B3GALT5: variants seen among roughly 807,000 people sequenced by gnomAD.
The protein encoded by B3GALT5 is beta-1,3-galactosyltransferase 5.
For missense variants in B3GALT5, 328 were observed against 396.6 expected, an observed-to-expected ratio of 0.83 and a Z score of 1.47; for synonymous variants, 156 against 158.6, an observed-to-expected ratio of 0.98 and a Z score of 0.12.
intron 1 of B3GALT5, among the ~76,000 whole-genome samples, chr21:39,617,019 T>G (rs2079110462): frequency 6.6e-6 from 1 of 152,210 alleles, no homozygotes; most frequent in African/African-American, 2.4e-5. Context: ...GTCCTAACAC[T>G]TGGCCATACT....
At chr21:39,615,997 G>T (rs2079105532) in intron 1 of B3GALT5, among the ~76,000 whole-genome samples, 1 of 152,186 alleles carries the variant, frequency 6.6e-6, no homozygotes, top group African/African-American at 2.4e-5. Context: ...GTTGTGAGAA[G>T]AATATTGTGA....
At chr21:39,647,314 A>G (rs369933189) in intron 2 of B3GALT5, among the ~76,000 whole-genome samples, 91 of 152,320 alleles carry the variant, frequency 6.0e-4, no homozygotes, top group African/African-American at 2.0e-3. Context: ...GTGTAGCACA[A>G]TTAAATCTGA....
In B3GALT5 at chr21:39,642,887, A is replaced by AAG. The variant is rs1555926642; in HGVS notation, c.-391-3504_-391-3503insGA. Among the ~76,000 whole-genome samples the AAG allele has an allele frequency of 5.8e-3, 817 of 141,636 alleles. 3 individuals carry two copies. The highest frequency in any genetic ancestry group is 8.9e-3 in the Non-Finnish European group (587 of 66,206). 92.9% of individuals were successfully genotyped at this position (141,636 alleles called of 152,430 possible). A position where few individuals can be genotyped will look rare whatever the true frequency, so the allele number is the denominator to read the frequency against. ...TCCCATTGCCACAAAAAAAAAAAAA[A>AAG]AAAAGAAAAGAAAAGAAAGCTGGGC... On this transcript the variant is annotated intron_variant, in intron 1 of 3. Coordinates refer to ENST00000684187, the MANE Select transcript of B3GALT5 (RefSeq NM_001356336.2).
At position 39,666,681 on chromosome 21, in the gene B3GALT5, A is replaced by C. The variant is rs1027233273; in HGVS notation, c.*5189A>C. Reference sequence around the variant, plus strand: ...ACCCTTCAGCCTGCTGGCATCCACCATGCCTTAAAAAACAAAACAAAACCC... The same window carrying C: ...ACCCTTCAGCCTGCTGGCATCCACCCTGCCTTAAAAAACAAAACAAAACCC... On this transcript the variant is annotated 3_prime_UTR_variant, in exon 4 of 4. Coordinates refer to ENST00000684187, the MANE Select transcript of B3GALT5 (RefSeq NM_001356336.2). 6.6e-6 allele frequency: 1 copy of C among 152,372 alleles called. No homozygotes were observed. The highest frequency in any genetic ancestry group is 1.5e-5 in the Non-Finnish European group (1 of 68,158). The allele number at this position is 152,372 out of a possible 1,614,324, so 9.4% of individuals were successfully genotyped here. A position where few individuals can be genotyped will look rare whatever the true frequency, so the allele number is the denominator to read the frequency against.
intron 1 of B3GALT5, among the ~76,000 whole-genome samples, chr21:39,630,034 A>C (rs1447820140): frequency 1.3e-5 from 2 of 152,228 alleles, no homozygotes; most frequent in Non-Finnish European, 2.9e-5. Context: ...ATTCTCAATA[A>C]AATTTTTAGA....
At chr21:39,637,681 C>G (rs150165669) in intron 1 of B3GALT5, among the ~76,000 whole-genome samples, 170 of 152,356 alleles carry the variant, frequency 1.1e-3, no homozygotes, top group African/African-American at 3.9e-3. Flanking sequence ...GATTGATTAA[C>G]TTGCCACCAG....
rs538163351 is a variant in B3GALT5 at position 39,665,412 on chromosome 21, C to A, written c.*3920C>A. On this transcript the variant is annotated 3_prime_UTR_variant, in exon 4 of 4. Transcript: ENST00000684187. ...ATCCAGAGTGATCCTTTGAAAATCTCATTTCTCTGCTCAAAACCCTCCTGA... is the reference window on the plus strand; with the variant it reads ...ATCCAGAGTGATCCTTTGAAAATCTAATTTCTCTGCTCAAAACCCTCCTGA... 6.6e-6 allele frequency: 1 copy of A among 152,352 alleles called. No homozygotes were observed. Among genetic ancestry groups the A allele is most frequent in the African/African-American group, 2.4e-5 (1 of 41,572 alleles). 9.4% of individuals were successfully genotyped at this position (152,352 alleles called of 1,614,324 possible).
intron 2 of B3GALT5, chr21:39,657,808 A>G: frequency 1.7e-6 from 2 of 1,191,776 alleles, no homozygotes; most frequent in Non-Finnish European, 2.1e-6. Context: ...ATACACCTGG[A>G]GTGCAGAATC....
chr21:39,659,678 A>G, intron 2 of B3GALT5, 75 bp from the exon 3 acceptor site: 2 of 875,486 alleles, frequency 2.3e-6, no homozygotes, highest in Non-Finnish European at 2.7e-6. Context: ...GTGACGCTAC[A>G]GACACGGTAA....
In B3GALT5 at chr21:39,668,077, T is replaced by C. The variant is rs2079594246; in HGVS notation, c.*6585T>C. On this transcript the variant is annotated 3_prime_UTR_variant, in exon 4 of 4. Transcript: ENST00000684187. ...CATGGGCTGCTATCGCGATGTTGTA[T>C]CTAATGGCCTGCAGTGGTTGCTTAG... is the stretch of plus-strand genomic sequence containing the variant. The C allele has an allele frequency of 6.6e-6, 1 of 152,240 alleles. No homozygotes were observed. The highest frequency in any genetic ancestry group is 6.5e-5 in the Admixed American group (1 of 15,286). 9.4% of individuals were successfully genotyped at this position (152,240 alleles called of 1,614,324 possible).
intron 2 of B3GALT5, among the ~76,000 whole-genome samples, chr21:39,653,339 T>G (rs1247618755): frequency 6.6e-6 from 1 of 152,262 alleles, no homozygotes; most frequent in African/African-American, 2.4e-5. Context: ...TAGAGTTGTG[T>G]TATCAATTTA....
At chr21:39,613,268 C>G (rs774976940) in intron 1 of B3GALT5, among the ~76,000 whole-genome samples, 8 of 152,130 alleles carry the variant, frequency 5.3e-5, no homozygotes, top group Admixed American at 2.0e-4. Context: ...TGTCATCAAA[C>G]TTGGTGTGAA....
chr21:39,624,039 C>A, intron 1 of B3GALT5, among the ~76,000 whole-genome samples: 1 of 152,264 alleles, frequency 6.6e-6, no homozygotes, highest in Non-Finnish European at 1.5e-5. Context: ...TCAGTCACAA[C>A]CTTCCTTCTC....
chr21:39,659,074 CT>C (rs1259007690), intron 2 of B3GALT5, among the ~76,000 whole-genome samples: 1 of 152,102 alleles, frequency 6.6e-6, no homozygotes, highest in African/African-American at 2.4e-5. Context: ...AACCCCATCT[CT>C]ACAAAAAATA....
intron 1 of B3GALT5, among the ~76,000 whole-genome samples, chr21:39,633,644 G>C (rs1402428400): frequency 6.6e-6 from 1 of 152,212 alleles, no homozygotes; most frequent in Non-Finnish European, 1.5e-5. Flanking sequence ...AGTGGCTCAG[G>C]TTTCTCCTTC....
At chr21:39,623,568 T>C (rs1366969221) in intron 1 of B3GALT5, among the ~76,000 whole-genome samples, 1 of 152,076 alleles carries the variant, frequency 6.6e-6, no homozygotes, top group Non-Finnish European at 1.5e-5. Flanking sequence ...GCTTTGCTTT[T>C]GTGTATTAGT....
At chr21:39,640,271 G>A (rs536559330) in intron 1 of B3GALT5, among the ~76,000 whole-genome samples, 4 of 152,138 alleles carry the variant, frequency 2.6e-5, no homozygotes, top group East Asian at 1.9e-4. Flanking sequence ...GGTGGTGGGC[G>A]GTGTCTTGTG....
chr21:39,656,516 C>G (rs1481394720), intron 2 of B3GALT5, among the ~76,000 whole-genome samples: 2 of 152,224 alleles, frequency 1.3e-5, no homozygotes, highest in Non-Finnish European at 2.9e-5. Context: ...CTGGAGACCC[C>G]TTGAGCTGAG....
chr21:39,628,460 C>T (rs138032486), intron 1 of B3GALT5, among the ~76,000 whole-genome samples: 148 of 152,324 alleles, frequency 9.7e-4, no homozygotes, highest in African/African-American at 2.9e-3. Flanking sequence ...CGTGTGCACA[C>T]GTTTTAGCAC....
Sources: allele counts gnomAD v4.1 joint callset (sites outside exome capture counted in the v4.1 genomes callset), GRCh38; gene constraint gnomAD v4.1.1; transcripts MANE v1.5; gene names NCBI Gene and HGNC (gene_info 2026-07-23, HGNC 2026-07-21).